IRAK1BP1: variants seen among roughly 807,000 people sequenced by gnomAD.
IRAK1BP1 encodes interleukin-1 receptor-associated kinase 1-binding protein 1.
IRAK1BP1 carries 24 observed loss-of-function variants against 28.0 expected under a neutral mutation model. The ratio of observed to expected loss-of-function variants is 0.86; its 90% CI spans 0.62 to 1.20. The LOEUF is 1.20. IRAK1BP1 is among the 50% of genes most tolerant of loss of function. The pLI is 0.00. For synonymous variants in IRAK1BP1, 131 were observed against 116.3 expected (o/e 1.13, Z -0.81); for missense variants, 336 against 316.7 (o/e 1.06, Z -0.46).
the IRAK1BP1 span, among the ~76,000 whole-genome samples, chr6:78,971,470 A>G: frequency 2.4e-4 from 37 of 152,324 alleles, no homozygotes; most frequent in African/African-American, 8.7e-4. Context: ...ATTTTGGGAT[A>G]GCCACTATCC....
the IRAK1BP1 span, among the ~76,000 whole-genome samples, chr6:78,969,015 G>C: frequency 6.6e-6 from 1 of 152,204 alleles, no homozygotes; most frequent in African/African-American, 2.4e-5. Context: ...GTTTCCTGAG[G>C]GGATTCCATT....
the IRAK1BP1 span, among the ~76,000 whole-genome samples, chr6:78,973,288 G>A: frequency 6.6e-6 from 1 of 151,416 alleles, no homozygotes; most frequent in East Asian, 1.9e-4. Context: ...AGCTTCATAA[G>A]TGAAGGAGAA....
At chr6:78,873,254 CAAAAAAA>C (rs35962544) in intron 1 of IRAK1BP1, among the ~76,000 whole-genome samples, 5 of 41,106 alleles carry the variant, frequency 1.2e-4, no homozygotes, top group East Asian at 8.3e-4. Flanking sequence ...AACTCTGTCT[CAAAAAAA>C]AAAAAAAAAA....
downstream of IRAK1BP1, among the ~76,000 whole-genome samples, chr6:78,906,033 G>A (rs905591023): frequency 1.3e-5 from 2 of 152,102 alleles, no homozygotes; most frequent in Admixed American, 6.5e-5. Flanking sequence ...ATGGGATGTA[G>A]TATAGTTGTA....
At chr6:78,939,360 C>T (rs925994239) in intron 4 of IRAK1BP1, 1 of 151,270 alleles carries the variant, frequency 6.6e-6, no homozygotes, top group Non-Finnish European at 1.5e-5. Flanking sequence ...ATAAGGATAC[C>T]GTAAAAAGTG....
chr6:78,973,401 C>T, the IRAK1BP1 span, among the ~76,000 whole-genome samples: 12 of 149,840 alleles, frequency 8.0e-5, no homozygotes, highest in African/African-American at 2.0e-4. Context: ...AAGGAAAAAC[C>T]GGTACCAGCC....
At chr6:78,957,498 G>A in the IRAK1BP1 span, 1 of 151,050 alleles carries the variant, frequency 6.6e-6, no homozygotes, top group Non-Finnish European at 1.5e-5. Context: ...GAAATGACCT[G>A]CATTCCTCAG....
chr6:78,897,080 C>A (rs1771910755), intron 2 of IRAK1BP1, among the ~76,000 whole-genome samples: 1 of 151,012 alleles, frequency 6.6e-6, no homozygotes, highest in South Asian at 2.1e-4. Context: ...TGAGACTCCA[C>A]CTCTACAAAA....
chr6:78,913,842 GTAAAA>G (rs141666970), intron 4 of IRAK1BP1, among the ~76,000 whole-genome samples: 1,524 of 152,228 alleles, frequency 0.01, 13 homozygotes, highest in African/African-American at 0.03. Context: ...CTGATATTGG[GTAAAA>G]TAAAATAGTG....
chr6:78,924,463 T>C (rs1582050404), intron 4 of IRAK1BP1, among the ~76,000 whole-genome samples: 1 of 152,146 alleles, frequency 6.6e-6, no homozygotes, highest in Non-Finnish European at 1.5e-5. Flanking sequence ...ACCAGATGGA[T>C]TCACAGCCGA....
At chr6:78,921,135 A>G (rs1772712944) in intron 4 of IRAK1BP1, among the ~76,000 whole-genome samples, 1 of 152,204 alleles carries the variant, frequency 6.6e-6, no homozygotes. Flanking sequence ...GCATTGCCTC[A>G]CCCAGGAAGT....
intron 4 of IRAK1BP1, chr6:78,941,075 A>C: frequency 6.2e-7 from 1 of 1,614,114 alleles, no homozygotes; most frequent in Non-Finnish European, 8.5e-7. Flanking sequence ...AGTTTCAGAA[A>C]GAAAATTGCA....
chr6:78,893,159 GA>G (rs1416676814), intron 2 of IRAK1BP1, among the ~76,000 whole-genome samples: 2 of 151,318 alleles, frequency 1.3e-5, no homozygotes, highest in Non-Finnish European at 2.9e-5. Flanking sequence ...ACAGCCAGAG[GA>G]GGAGAAAAAA....
intron 4 of IRAK1BP1, among the ~76,000 whole-genome samples, chr6:78,932,181 G>T (rs529184156): frequency 2.0e-5 from 3 of 152,032 alleles, no homozygotes; most frequent in Non-Finnish European, 4.4e-5. Context: ...CTATTTCCAT[G>T]TCTGCAGTGA....
At chr6:78,881,841 G>C (rs555703073) in intron 1 of IRAK1BP1, among the ~76,000 whole-genome samples, 1 of 152,044 alleles carries the variant, frequency 6.6e-6, no homozygotes, top group Admixed American at 6.6e-5. Flanking sequence ...TGGGAGCCAG[G>C]TTTCTCACTA....
the IRAK1BP1 span, among the ~76,000 whole-genome samples, chr6:78,967,159 A>C: frequency 2.6e-5 from 4 of 152,216 alleles, no homozygotes; most frequent in African/African-American, 9.6e-5. Context: ...GCATGAAATG[A>C]ATTAAAAATT....
At chr6:78,960,698 C>T in the IRAK1BP1 span, among the ~76,000 whole-genome samples, 1 of 152,032 alleles carries the variant, frequency 6.6e-6, no homozygotes, top group African/African-American at 2.4e-5. Context: ...CAATTATGCT[C>T]CCCAGAAGAC....
intron 1 of IRAK1BP1, among the ~76,000 whole-genome samples, chr6:78,876,102 G>C (rs549435219): frequency 3.3e-5 from 5 of 152,092 alleles, no homozygotes; most frequent in East Asian, 1.9e-4. Context: ...TGTGTCAAGG[G>C]GGGGATCTGA....
At chr6:78,897,020 T>A (rs773142398) in intron 2 of IRAK1BP1, among the ~76,000 whole-genome samples, 9 of 151,132 alleles carry the variant, frequency 6.0e-5, no homozygotes, top group Non-Finnish European at 1.2e-4. Context: ...ACCGCTAAGG[T>A]GGGAGGATTG....
Sources: allele counts gnomAD v4.1 joint callset (sites outside exome capture counted in the v4.1 genomes callset), GRCh38; gene constraint gnomAD v4.1.1; transcripts MANE v1.5; gene names NCBI Gene and HGNC (gene_info 2026-07-23, HGNC 2026-07-21).